The following RPS6KC1 variants were observed in gnomAD, a reference collection of about 807,000 sequenced individuals.
RPS6KC1 encodes ribosomal protein S6 kinase C1, also known as inactive ribosomal protein S6 kinase delta-1.
A neutral mutation model predicts 103.8 loss-of-function variants in RPS6KC1; 54 were observed. That is an observed-to-expected ratio of 0.52 (90% CI 0.42 to 0.65). RPS6KC1 has a LOEUF of 0.65. Ranked by LOEUF, RPS6KC1 falls within the 30% of genes least tolerant of loss-of-function variation. RPS6KC1 has a pLI of 0.00. For missense variants in RPS6KC1, 1,151 were observed against 1,253.8 expected, an observed-to-expected ratio of 0.92 and a Z score of 1.24; for synonymous variants, 439 against 438.7, an observed-to-expected ratio of 1.00 and a Z score of -0.01.
At chr1:213,303,272 C>T in the RPS6KC1 span, among the ~76,000 whole-genome samples, 10 of 152,156 alleles carry the variant, frequency 6.6e-5, no homozygotes, top group Non-Finnish European at 1.3e-4. Context: ...TTGCTTTGTG[C>T]CTGGGATCTG....
At chr1:213,623,896 C>T in the RPS6KC1 span, among the ~76,000 whole-genome samples, 2 of 152,098 alleles carry the variant, frequency 1.3e-5, no homozygotes, top group Non-Finnish European at 2.9e-5. Flanking sequence ...TCCACCTGCC[C>T]GAGATGTCGC....
the RPS6KC1 span, among the ~76,000 whole-genome samples, chr1:213,721,952 G>C: frequency 3.9e-5 from 6 of 152,240 alleles, no homozygotes; most frequent in Middle Eastern, 0.01. Context: ...TGATTCAATA[G>C]CTTCCATTAC....
the RPS6KC1 span, among the ~76,000 whole-genome samples, chr1:213,549,611 C>T: frequency 0.03 from 3,181 of 105,492 alleles, 206 homozygotes; most frequent in East Asian, 0.34. Context: ...TTTTTCTTTT[C>T]CTTTTTTTTT....
the RPS6KC1 span, among the ~76,000 whole-genome samples, chr1:213,322,175 A>G: frequency 3.9e-5 from 6 of 152,146 alleles, no homozygotes; most frequent in East Asian, 3.9e-4. Flanking sequence ...GTGTGGTGGC[A>G]CACGCCTGTA....
the RPS6KC1 span, among the ~76,000 whole-genome samples, chr1:213,854,528 CTT>C: frequency 2.1e-5 from 2 of 97,168 alleles, no homozygotes; most frequent in African/African-American, 9.3e-5. Context: ...TTCTTTCTTT[CTT>C]TCTTTCTTTC....
chr1:213,079,191 C>G (rs2079632703), intron 3 of RPS6KC1, among the ~76,000 whole-genome samples: 1 of 151,790 alleles, frequency 6.6e-6, no homozygotes, highest in Non-Finnish European at 1.5e-5. Context: ...ATTTATTAAC[C>G]AATCTTTTAC....
chr1:213,445,062 C>G, the RPS6KC1 span, among the ~76,000 whole-genome samples: 1 of 139,076 alleles, frequency 7.2e-6, no homozygotes, highest in Non-Finnish European at 1.6e-5. Flanking sequence ...TGCTTTGACT[C>G]TATATGTTTG....
At chr1:213,385,528 A>G in the RPS6KC1 span, among the ~76,000 whole-genome samples, 3 of 152,146 alleles carry the variant, frequency 2.0e-5, no homozygotes, top group Admixed American at 2.0e-4. Context: ...TTATAGGCAA[A>G]ATAAAGAAGA....
the RPS6KC1 span, among the ~76,000 whole-genome samples, chr1:213,523,710 G>T: frequency 6.6e-5 from 10 of 152,298 alleles, no homozygotes; most frequent in South Asian, 1.4e-3. Flanking sequence ...TCAAATATAG[G>T]CACAGAAAGT....
At chr1:213,218,745 A>C (rs2093739485) in intron 8 of RPS6KC1, among the ~76,000 whole-genome samples, 1 of 152,236 alleles carries the variant, frequency 6.6e-6, no homozygotes, top group African/African-American at 2.4e-5. Flanking sequence ...ATCTTTGACA[A>C]ACCTGAGAAA....
chr1:213,743,378 A>G, the RPS6KC1 span, among the ~76,000 whole-genome samples: 130 of 152,304 alleles, frequency 8.5e-4, 1 homozygote, highest in African/African-American at 2.9e-3. Flanking sequence ...ACTGCAGAAT[A>G]CTAGAAGATG....
the RPS6KC1 span, among the ~76,000 whole-genome samples, chr1:213,625,958 C>A: frequency 6.6e-6 from 1 of 152,122 alleles, no homozygotes; most frequent in Admixed American, 6.5e-5. Flanking sequence ...AATGGGATGG[C>A]TGGGTCAAAT....
the RPS6KC1 span, among the ~76,000 whole-genome samples, chr1:213,472,650 G>A: frequency 3.3e-5 from 5 of 152,176 alleles, no homozygotes; most frequent in Admixed American, 2.6e-4. Context: ...ATCAAATGTT[G>A]ACAGTTTCCT....
At chr1:213,629,548 C>A in the RPS6KC1 span, among the ~76,000 whole-genome samples, 3 of 152,146 alleles carry the variant, frequency 2.0e-5, no homozygotes, top group South Asian at 2.1e-4. Flanking sequence ...ATTTGCCAGT[C>A]TGTGTCTTTT....
the RPS6KC1 span, among the ~76,000 whole-genome samples, chr1:213,505,561 G>A: frequency 3.0e-4 from 45 of 152,332 alleles, no homozygotes; most frequent in South Asian, 6.2e-3. Context: ...ACATATAACA[G>A]ATTGAGCACA....
the RPS6KC1 span, among the ~76,000 whole-genome samples, chr1:213,444,567 G>T: frequency 0.012 from 1,768 of 152,104 alleles, 21 homozygotes; most frequent in African/African-American, 0.036. Flanking sequence ...TAAAAATGAG[G>T]TTGGTCAGGC....
intron 6 of RPS6KC1, among the ~76,000 whole-genome samples, chr1:213,153,648 G>T (rs999326985): frequency 6.6e-6 from 1 of 152,148 alleles, no homozygotes; most frequent in African/African-American, 2.4e-5. Context: ...GTGTTTTTCT[G>T]TGTACTTACT....
At chr1:213,159,763 T>C (rs1340520168) in intron 6 of RPS6KC1, among the ~76,000 whole-genome samples, 1 of 152,184 alleles carries the variant, frequency 6.6e-6, no homozygotes, top group Non-Finnish European at 1.5e-5. Context: ...CGAAGTGTTT[T>C]TTATTAGTCG....
At chr1:213,560,101 G>C in the RPS6KC1 span, among the ~76,000 whole-genome samples, 2 of 152,046 alleles carry the variant, frequency 1.3e-5, no homozygotes. Flanking sequence ...AGTTCCCCTA[G>C]TCTCCTGTAA....
Sources: gnomAD v4.1 joint callset for allele counts (sites outside exome capture counted in the v4.1 genomes callset) on GRCh38, gnomAD v4.1.1 for gene constraint, MANE v1.5 for transcripts, NCBI Gene and HGNC (gene_info 2026-07-23, HGNC 2026-07-21) for gene names.